SOS1: variants seen among roughly 807,000 people sequenced by gnomAD.
SOS1 encodes SOS Ras/Rac guanine nucleotide exchange factor 1.
SOS1 carries 25 observed loss-of-function variants against 157.6 expected under a neutral mutation model. The ratio of observed to expected loss-of-function variants is 0.16; its 90% CI spans 0.12 to 0.22. The LOEUF is 0.22. Among genes scored for constraint, SOS1 ranks in the 10% least tolerant of loss-of-function variants. SOS1 has a pLI of 1.00. For missense variants in SOS1, 1,237 were observed against 1,599.1 expected (o/e 0.77, Z 3.86); for synonymous variants, 528 against 534.0 (o/e 0.99, Z 0.16).
chr2:39,023,791 G>A (rs1377789519), intron 9 of SOS1: 2 of 501,186 alleles, frequency 4.0e-6, no homozygotes, highest in African/African-American at 3.9e-5. Flanking sequence ...TTGACTCTCA[G>A]GAGGTCTTGT....
chr2:39,109,332 A>T (rs10207187), intron 1 of SOS1, among the ~76,000 whole-genome samples: 1 of 152,190 alleles, frequency 6.6e-6, no homozygotes, highest in Non-Finnish European at 1.5e-5. Context: ...CAGTTCCTTT[A>T]TGGTCTGTGC....
chr2:39,008,474 C>T (rs753003026), intron 15 of SOS1, among the ~76,000 whole-genome samples: 10 of 152,026 alleles, frequency 6.6e-5, no homozygotes, highest in Non-Finnish European at 1.2e-4. Flanking sequence ...TTAATGGTGC[C>T]CTTAGGAACA....
At chr2:39,042,712 A>AT (rs200188697) in intron 6 of SOS1, among the ~76,000 whole-genome samples, 25,627 of 132,602 alleles carry the variant, frequency 0.19, 2,605 homozygotes, top group African/African-American at 0.29. Context: ...TAATTTTATG[A>AT]TTTTTTTTTT....
At chr2:39,083,486 A>T (rs1412470866) in intron 1 of SOS1, among the ~76,000 whole-genome samples, 1 of 152,240 alleles carries the variant, frequency 6.6e-6, no homozygotes. Flanking sequence ...GCACATAATT[A>T]GTGGCCTTTG....
chr2:39,036,092 G>A (rs1670333105), intron 6 of SOS1, among the ~76,000 whole-genome samples: 1 of 151,976 alleles, frequency 6.6e-6, no homozygotes, highest in Non-Finnish European at 1.5e-5. Flanking sequence ...AGAATCTACT[G>A]GTTTTGAAGA....
intron 17 of SOS1, among the ~76,000 whole-genome samples, chr2:39,005,677 T>C (rs1341206561): frequency 6.6e-6 from 1 of 152,040 alleles, no homozygotes; most frequent in Non-Finnish European, 1.5e-5. Flanking sequence ...AACATTGTTA[T>C]ATGCAGTGGG....
chr2:39,039,826 C>T (rs976872994), intron 6 of SOS1, among the ~76,000 whole-genome samples: 1 of 152,092 alleles, frequency 6.6e-6, no homozygotes, highest in Admixed American at 6.5e-5. Context: ...CTCCCAATCC[C>T]CTAAACCCCT....
rs886056026 is a variant in SOS1 at position 39,120,418 on chromosome 2, T to G, written c.5A>C (p.Gln2Pro). The part of the protein sequence containing the change: M[Q>P]AQQLPYEFFS... The stretch of plus-strand genomic sequence containing the variant: ...AAACTCGTAGGGCAGCTGCTGCGCC[T>G]GCATGGTGCCCCCGGGGCGCCTCTG... The change falls in exon 1 of 23, where the codon CAG becomes CCG. Residue 2 changes from glutamine (Q) to proline (P), a missense_variant. Transcript: ENST00000402219. The G allele has an allele frequency of 1.3e-6, 2 of 1,587,824 alleles. No homozygotes were observed. Among genetic ancestry groups the G allele is most frequent in the South Asian group, 1.1e-5 (1 of 88,480 alleles).
At chr2:39,119,698 A>C (rs1210715875) in intron 1 of SOS1, among the ~76,000 whole-genome samples, 2 of 151,384 alleles carry the variant, frequency 1.3e-5, no homozygotes, top group African/African-American at 4.8e-5. Flanking sequence ...AAACATACAA[A>C]GGCTAAAAAT....
At chr2:39,051,096 A>T (rs1419648502) in intron 6 of SOS1, 48 bp downstream of exon 6, 1 of 1,569,316 alleles carries the variant, frequency 6.4e-7, no homozygotes, top group East Asian at 2.2e-5. Flanking sequence ...TTTAATGTAA[A>T]TGTAGGCTTT....
At position 39,103,230 on chromosome 2, in the gene SOS1, T is replaced by C. The variant is rs571266799; in HGVS notation, c.87+17106A>G. Among the ~76,000 whole-genome samples the C allele has an allele frequency of 1.1e-4, 17 of 152,272 alleles. No homozygotes were observed. The East Asian group carries it at 2.9e-3, about 26-fold the overall frequency. On this transcript the variant is annotated intron_variant, in intron 1 of 22. Coordinates refer to ENST00000402219, the MANE Select transcript of SOS1 (RefSeq NM_005633.4). ...GACTTAATATTGTTGACATCAATAC[T>C]ACCTAGAGCAATGTACAGATTCGAT...
At chr2:39,104,641 T>C (rs1673097706) in intron 1 of SOS1, among the ~76,000 whole-genome samples, 1 of 152,192 alleles carries the variant, frequency 6.6e-6, no homozygotes, top group Non-Finnish European at 1.5e-5. Flanking sequence ...AATAGGGACT[T>C]AAACCAATAA....
intron 1 of SOS1, among the ~76,000 whole-genome samples, chr2:39,100,258 G>A (rs1274883309): frequency 6.6e-6 from 1 of 152,156 alleles, no homozygotes; most frequent in East Asian, 1.9e-4. Context: ...AACAGTAATG[G>A]AGGTTCCTCA....
chr2:39,084,570 T>C (rs926815465), intron 1 of SOS1, among the ~76,000 whole-genome samples: 12 of 152,136 alleles, frequency 7.9e-5, no homozygotes, highest in Non-Finnish European at 1.6e-4. Flanking sequence ...TAAAAATTAC[T>C]CATATTTGTG....
chr2:38,990,650 T>C (rs190629774), intron 20 of SOS1, among the ~76,000 whole-genome samples: 174 of 152,194 alleles, frequency 1.1e-3, no homozygotes, highest in African/African-American at 3.9e-3. Flanking sequence ...CTTAATACAA[T>C]ACAGGAATAG....
At position 39,035,454 on chromosome 2, in the gene SOS1, C is replaced by T. The variant is rs886254041; in HGVS notation, c.911G>A (p.Arg304Gln). The T allele has an allele frequency of 2.5e-6, 4 of 1,613,580 alleles. No homozygotes were observed. Among genetic ancestry groups the T allele is most frequent in the African/African-American group, 2.7e-5 (2 of 74,814 alleles). The change falls in exon 7 of 23, where the codon CGA (arginine) becomes CAA (glutamine). Residue 304 changes from arginine (R) to glutamine (Q), a missense_variant. Physicochemically the swap from Arg to Gln is conservative, Grantham distance 43 (BLOSUM62 1). Transcript: ENST00000402219. ...AAGGAAACGATCATGAAAACCAGGT[C>T]GCAAAATATCTCGAGCATACGATTC... is the stretch of plus-strand genomic sequence containing the variant. ...PYESYARDIL[R>Q]PGFHDRFLSQ...
chr2:39,067,188 A>AT (rs947718121), intron 2 of SOS1, among the ~76,000 whole-genome samples: 1 of 151,692 alleles, frequency 6.6e-6, no homozygotes, highest in Non-Finnish European at 1.5e-5. Context: ...TTAAAAACAA[A>AT]TTTTTTTTAG....
At chr2:39,039,837 C>T (rs1181926962) in intron 6 of SOS1, among the ~76,000 whole-genome samples, 2 of 152,184 alleles carry the variant, frequency 1.3e-5, no homozygotes, top group Non-Finnish European at 2.9e-5. Flanking sequence ...CTAAACCCCT[C>T]AGCCCTAGGC....
intron 2 of SOS1, among the ~76,000 whole-genome samples, chr2:39,062,376 C>A (rs1212650252): frequency 1.3e-5 from 2 of 149,222 alleles, no homozygotes; most frequent in African/African-American, 4.9e-5. Context: ...TGAGATCACA[C>A]CACTGCACTC....
Sources: gnomAD v4.1 joint callset for allele counts (sites outside exome capture counted in the v4.1 genomes callset) on GRCh38, gnomAD v4.1.1 for gene constraint, MANE v1.5 for transcripts, NCBI Gene and HGNC (gene_info 2026-07-23, HGNC 2026-07-21) for gene names.